KIF3B: variants seen among roughly 807,000 people sequenced by gnomAD.
KIF3B encodes the protein kinesin-like protein KIF3B.
In KIF3B, 38 loss-of-function variants were observed where a neutral mutation model predicts 74.3. The observed-to-expected ratio is 0.51, with a 90% confidence interval of 0.39 to 0.67. The LOEUF is 0.67. KIF3B is among the 30% of genes least tolerant of loss of function. The pLI is 0.00. For synonymous variants in KIF3B, 326 were observed against 342.5 expected, an observed-to-expected ratio of 0.95 and a Z score of 0.53; for missense variants, 649 against 932.0, an observed-to-expected ratio of 0.70 and a Z score of 3.95.
intron 5 of KIF3B, among the ~76,000 whole-genome samples, chr20:32,317,953 T>C (rs1384141341): frequency 6.6e-6 from 1 of 152,178 alleles, no homozygotes; most frequent in Admixed American, 6.5e-5. Flanking sequence ...CAATACTGTT[T>C]TTAAAAAAGC....
chr20:32,331,250 C>A lies in KIF3B; in HGVS notation c.2175C>A (p.Ser725=), dbSNP rs745870938. The change falls in exon 9 of 9, where the codon TCC becomes TCA. Residue 725 remains serine (S), a synonymous_variant. Transcript: ENST00000375712. ...CTAAAAGTGGAAGGAAGTCGGGATCCTCCTCCTCTTCCTCAGGAACCCCTG... is the reference window on the plus strand; with the variant it reads ...CTAAAAGTGGAAGGAAGTCGGGATCATCCTCCTCTTCCTCAGGAACCCCTG... ...ARPKSGRKSG[S]SSSSSGTPAS... The A allele has an allele frequency of 6.2e-7, 1 of 1,613,230 alleles. No homozygotes were observed. The highest frequency in any genetic ancestry group is 8.5e-7 in the Non-Finnish European group (1 of 1,179,710).
intron 1 of KIF3B, among the ~76,000 whole-genome samples, chr20:32,296,669 G>A (rs1002960242): frequency 6.6e-6 from 1 of 152,134 alleles, no homozygotes; most frequent in African/African-American, 2.4e-5. Flanking sequence ...AGCTCTTTTA[G>A]GGAAAGCCAG....
chr20:32,291,658 C>T (rs1457355051), intron 1 of KIF3B, among the ~76,000 whole-genome samples: 3 of 150,558 alleles, frequency 2.0e-5, no homozygotes, highest in Admixed American at 6.6e-5. Context: ...CTCTGTCACC[C>T]GGGCTGGAGT....
chr20:32,303,888 A>G (rs1393415849), intron 1 of KIF3B, among the ~76,000 whole-genome samples: 1 of 151,718 alleles, frequency 6.6e-6, no homozygotes, highest in African/African-American at 2.4e-5. Flanking sequence ...AGAAAAAGAA[A>G]TGTTATTCTA....
rs769489901 is a variant in KIF3B, at chr20:32,330,318, A to C, written c.2146A>C (p.Arg716=). 34 of 1,613,484 alleles carry C rather than the reference A, an allele frequency of 2.1e-5. No individual in the cohort carries two copies. Among genetic ancestry groups the C allele is most frequent in the Middle Eastern group, 3.3e-4 (2 of 6,078 alleles). The change falls in exon 8 of 9, where the codon AGG becomes CGG. Residue 716 remains arginine, a splice_region_variant and synonymous_variant. Transcript: ENST00000375712. ...CACTGCAAATAAGAAATCCAAGGCC[A>C]GGTGAGTGGCTTTGATGACGTGTGT... ...ESTANKKSKA[R]PKSGRKSGSS...
intron 1 of KIF3B, among the ~76,000 whole-genome samples, chr20:32,309,142 G>A (rs188172603): frequency 1.4e-3 from 216 of 151,436 alleles, no homozygotes; most frequent in African/African-American, 4.9e-3. Flanking sequence ...TCAGCTTCCC[G>A]AGTAGCTAAG....
intron 1 of KIF3B, among the ~76,000 whole-genome samples, chr20:32,308,947 C>T (rs1173217317): frequency 6.7e-6 from 1 of 149,164 alleles, no homozygotes; most frequent in Non-Finnish European, 1.5e-5. Context: ...GATCTCCTGA[C>T]CTCGTGATCC....
At chr20:32,299,401 ATATTTT>A (rs1401204222) in intron 1 of KIF3B, among the ~76,000 whole-genome samples, 5 of 28,906 alleles carry the variant, frequency 1.7e-4, no homozygotes, top group Admixed American at 9.7e-4. Flanking sequence ...ATATATATAT[ATATTTT>A]TTTTTTTTTT....
chr20:32,299,403 A>ATATATATATATATATATATTTT (rs1555895046), intron 1 of KIF3B, among the ~76,000 whole-genome samples: 1 of 9,026 alleles, frequency 1.1e-4, no homozygotes, highest in African/African-American at 6.1e-4. Flanking sequence ...ATATATATAT[A>ATATATATATATATATATATTTT]TTTTTTTTTT....
At position 32,310,763 on chromosome 20, in the gene KIF3B, C is replaced by A. The variant is rs752254514; in HGVS notation, c.986C>A (p.Thr329Asn). The A allele has an allele frequency of 1.2e-6, 2 of 1,614,036 alleles. No homozygotes were observed. Among genetic ancestry groups the A allele is most frequent in the Non-Finnish European group, 8.5e-7 (1 of 1,180,050 alleles). The change falls in exon 2 of 9, where the codon ACC (threonine) becomes AAC (asparagine). Residue 329 changes from threonine to asparagine, a missense_variant. Thr to Asn is a moderately conservative substitution (Grantham distance 65, BLOSUM62 0). Coordinates refer to ENST00000375712, the MANE Select transcript of KIF3B (RefSeq NM_004798.4). The surrounding 1 kb of genome is among the most constrained non-coding windows in gnomAD (Gnocchi z 6.5). ...TCTTACAACGTAGAAGAGACTCTGA[C>A]CACTCTGCGATATGCCAACCGTGCC... ...PASYNVEETL[T>N]TLRYANRAKN...
intron 5 of KIF3B, among the ~76,000 whole-genome samples, chr20:32,320,086 G>C (rs1426509592): frequency 6.6e-6 from 1 of 151,758 alleles, no homozygotes; most frequent in African/African-American, 2.4e-5. Context: ...GTAGAGACGG[G>C]GTTTTACCAT....
chr20:32,324,316 T>C (rs1441757922), intron 5 of KIF3B, among the ~76,000 whole-genome samples: 2 of 152,170 alleles, frequency 1.3e-5, no homozygotes, highest in African/African-American at 4.8e-5. Flanking sequence ...TCTGATTTAA[T>C]TGGTCTAGGG....
chr20:32,302,060 G>A (rs754666275), intron 1 of KIF3B, among the ~76,000 whole-genome samples: 22 of 152,208 alleles, frequency 1.4e-4, no homozygotes, highest in Non-Finnish European at 2.5e-4. Context: ...ATGAGCTGCT[G>A]ATCTGTGCTT....
chr20:32,282,978 T>C (rs1166063420), intron 1 of KIF3B, among the ~76,000 whole-genome samples: 1 of 152,220 alleles, frequency 6.6e-6, no homozygotes, highest in South Asian at 2.1e-4. Context: ...ACATTCAACA[T>C]TGTGAATAGT....
rs757359019 is a variant in KIF3B, at chr20:32,309,928, C to T, written c.151C>T (p.His51Tyr). 37 of 1,614,038 alleles carry T rather than the reference C, an allele frequency of 2.3e-5. No individual in the cohort carries two copies. The South Asian group carries it at 3.8e-4, about 17-fold the overall frequency. ...VSVKNPKGTA[H>Y]EMPKTFTFDA... ...TGTGAAGAACCCCAAAGGGACGGCCCATGAAATGCCCAAGACCTTCACCTT... is the reference window on the plus strand; with the variant it reads ...TGTGAAGAACCCCAAAGGGACGGCCTATGAAATGCCCAAGACCTTCACCTT... The change falls in exon 2 of 9, where the codon CAT (histidine) becomes TAT (tyrosine). Residue 51 changes from histidine to tyrosine, a missense_variant. Coordinates refer to ENST00000375712, the MANE Select transcript of KIF3B (RefSeq NM_004798.4).
chr20:32,318,394 A>G (rs902472885), intron 5 of KIF3B, among the ~76,000 whole-genome samples: 2 of 152,138 alleles, frequency 1.3e-5, no homozygotes, highest in Non-Finnish European at 2.9e-5. Flanking sequence ...CACCACTACA[A>G]TCTAATTTTA....
chr20:32,326,952 C>A, intron 6 of KIF3B, 68 bp downstream of exon 6: 1 of 802,670 alleles, frequency 1.2e-6, no homozygotes, highest in Non-Finnish European at 2.1e-6. Flanking sequence ...ATAACAAGAG[C>A]CCTCTGGTCA....
rs1317674420 is a variant in KIF3B at position 32,310,235 on chromosome 20, G to A, written c.458G>A (p.Arg153Gln). ...SYLEIYQEEI[R>Q]DLLSKDQTKR... The stretch of plus-strand genomic sequence containing the variant: ...TTAGAGATCTACCAGGAGGAGATCC[G>A]AGATTTGCTCTCAAAGGATCAGACC... The change falls in exon 2 of 9, where the codon CGA becomes CAA. Residue 153 changes from arginine to glutamine, a missense_variant. Arg to Gln is a conservative substitution (Grantham distance 43). Transcript: ENST00000375712. The surrounding 1 kb of genome is among the most constrained non-coding windows in gnomAD (Gnocchi z 6.5). 3.7e-6 allele frequency: 6 copies of A among 1,613,882 alleles called. No homozygotes were observed. The highest frequency in any genetic ancestry group is 1.7e-5 in the Admixed American group (1 of 60,004).
intron 5 of KIF3B, among the ~76,000 whole-genome samples, chr20:32,325,978 T>C (rs1179711659): frequency 1.1e-4 from 16 of 152,134 alleles, no homozygotes; most frequent in Admixed American, 5.9e-4. Context: ...ATATCTCTTT[T>C]TATATCTTTT....
Sources: allele counts gnomAD v4.1 joint callset (sites outside exome capture counted in the v4.1 genomes callset), GRCh38; gene constraint gnomAD v4.1.1; non-coding constraint Gnocchi (gnomAD v3.1); transcripts MANE v1.5; gene names NCBI Gene and HGNC (gene_info 2026-07-23, HGNC 2026-07-21).